Variants in PXN observed in about 807,000 individuals in gnomAD.
PXN encodes the protein testicular tissue protein Li 134.
Under a neutral mutation model 103.6 loss-of-function variants are expected in PXN, and 61 were observed. The observed-to-expected ratio is 0.59, with a 90% confidence interval of 0.48 to 0.73. The LOEUF (loss-of-function observed/expected upper bound fraction) is 0.73, where lower values mean the gene tolerates loss of function less well. Among genes scored for constraint, PXN ranks in the 30% least tolerant of loss-of-function variants. PXN has a pLI of 0.00. For synonymous variants in PXN, 562 were observed against 607.8 expected, an observed-to-expected ratio of 0.92 and a Z score of 1.11; for missense variants, 1,274 against 1,460.3, an observed-to-expected ratio of 0.87 and a Z score of 2.08.
chr12:120,215,474 C>G lies in PXN; in HGVS notation c.2403+86G>C, dbSNP rs1482373796. On this transcript the variant is annotated intron_variant, in intron 10 of 14. Transcript: ENST00000637617. This position sits in a 1 kb window ranked among gnomAD's most constrained non-coding sequence, Gnocchi z 4.9. ...GGTGGTCGGAGGGGCCCACCAGGGT[C>G]GGAAAGGCTGAGGGCACCCAGCAGG... 1.3e-6 allele frequency: 2 copies of G among 1,491,546 alleles called. No homozygotes were observed. Among genetic ancestry groups the G allele is most frequent in the African/African-American group, 1.4e-5 (1 of 71,454 alleles). The allele number at this position is 1,491,546 out of a possible 1,614,324, so 92.4% of individuals were successfully genotyped here. A position where few individuals can be genotyped will look rare whatever the true frequency, so the allele number is the denominator to read the frequency against.
chr12:120,224,063 C>T lies in PXN; in HGVS notation c.240+88G>A. On this transcript the variant is annotated intron_variant, in intron 2 of 14. Transcript: ENST00000637617. This position sits in a 1 kb window ranked among gnomAD's most constrained non-coding sequence, Gnocchi z 5.0. ...AAGGGTCGACTGCCCCAATTCCATT[C>T]CATCCCCTGGCTCCCTAAGCCCCTG... 1 of 1,122,628 alleles carries T rather than the reference C, an allele frequency of 8.9e-7. No homozygotes were observed. Among genetic ancestry groups the T allele is most frequent in the African/African-American group, 1.6e-5 (1 of 63,306 alleles). The allele number at this position is 1,122,628 out of a possible 1,614,324, so 69.5% of individuals were successfully genotyped here.
chr12:120,224,530 C>G lies in PXN; in HGVS notation c.14-153G>C, dbSNP rs1032611951. 9 of 734,082 alleles carry G rather than the reference C, an allele frequency of 1.2e-5. No individual in the cohort carries two copies. In the East Asian group the frequency reaches 2.3e-4, roughly 19 times the overall value. 45.5% of individuals were successfully genotyped at this position (734,082 alleles called of 1,614,324 possible). A position where few individuals can be genotyped will look rare whatever the true frequency, so the allele number is the denominator to read the frequency against. Reference sequence around the variant, plus strand: ...GACCAGCCTTGGGACAGGAAGCCACCAGCCCCGACCAGCCTAACCAAGAGC... The same window carrying G: ...GACCAGCCTTGGGACAGGAAGCCACGAGCCCCGACCAGCCTAACCAAGAGC... On this transcript the variant is annotated intron_variant, in intron 1 of 14. Coordinates refer to ENST00000637617, the MANE Select transcript of PXN (RefSeq NM_001385981.1). This position sits in a 1 kb window ranked among gnomAD's most constrained non-coding sequence, Gnocchi z 5.0.
At chr12:120,263,373 G>C (rs1894176250) in intron 1 of PXN, among the ~76,000 whole-genome samples, 1 of 152,218 alleles carries the variant, frequency 6.6e-6, no homozygotes, top group South Asian at 2.1e-4. Flanking sequence ...GGGCAGCCCG[G>C]ATGTAAGCAA....
intron 1 of PXN, among the ~76,000 whole-genome samples, chr12:120,237,997 C>T (rs550322236): frequency 4.6e-5 from 7 of 152,296 alleles, no homozygotes; most frequent in South Asian, 2.1e-4. Flanking sequence ...AGGAATGCCC[C>T]GGCCACTGTC....
chr12:120,213,820 G>A lies in PXN; in HGVS notation c.2979+22C>T, dbSNP rs764986333. ...CCACTGCCTGCTCCTCGCCCCTCCAGATGTGGTCAGGGGCTCCTTACCCGG... is the reference window on the plus strand; with the variant it reads ...CCACTGCCTGCTCCTCGCCCCTCCAAATGTGGTCAGGGGCTCCTTACCCGG... On this transcript the variant is annotated intron_variant, in intron 14 of 14. Transcript: ENST00000637617. The surrounding 1 kb of genome is among the most constrained non-coding windows in gnomAD (Gnocchi z 4.2). The A allele has an allele frequency of 6.2e-7, 1 of 1,604,424 alleles. No homozygotes were observed. The highest frequency in any genetic ancestry group is 8.5e-7 in the Non-Finnish European group (1 of 1,175,712).
At chr12:120,218,516 G>A (rs1884000700) in intron 7 of PXN, among the ~76,000 whole-genome samples, 1 of 152,308 alleles carries the variant, frequency 6.6e-6, no homozygotes, top group South Asian at 2.1e-4. Flanking sequence ...TGGGATTACA[G>A]GCATGCGCCA....
chr12:120,219,815 C>A lies in PXN; in HGVS notation c.1108G>T (p.Gly370Cys). The change falls in exon 7 of 15, where the codon GGT becomes TGT. Residue 370 changes from glycine to cysteine, a missense_variant. Physicochemically the swap from Gly to Cys is radical, Grantham distance 159. This residue lies in a region of PXN where 1,178 missense variants were observed against 1,309.0 expected (regional missense o/e 0.90). Coordinates refer to ENST00000637617, the MANE Select transcript of PXN (RefSeq NM_001385981.1). The surrounding 1 kb of genome is among the most constrained non-coding windows in gnomAD (Gnocchi z 6.5). ...TCTGTGCCCACTGCCCACAGAGAAC[C>A]CTCCACAGAGGGAGACCTTGAGTTG... ...TFNSRSPSVE[G>C]SLWAVGTESQ... 6.3e-7 allele frequency: 1 copy of A among 1,598,434 alleles called. No individual in the cohort carries two copies. The highest frequency in any genetic ancestry group is 8.5e-7 in the Non-Finnish European group (1 of 1,179,802).
intron 1 of PXN, among the ~76,000 whole-genome samples, chr12:120,235,763 T>C (rs1888911928): frequency 6.6e-6 from 1 of 152,204 alleles, no homozygotes; most frequent in Admixed American, 6.5e-5. Flanking sequence ...CTGAGAAGGC[T>C]GGTGCACTCC....
intron 1 of PXN, chr12:120,227,061 TCTAAGTCTC>T (rs1234436012): frequency 6.1e-6 from 6 of 986,132 alleles, no homozygotes; most frequent in Non-Finnish European, 3.6e-6. Flanking sequence ...ACTAACTTCT[TCTAAGTCTC>T]CTAAGTCTTT....
At chr12:120,223,920 T>G (rs956826198) in intron 2 of PXN, 87 bp from the exon 3 acceptor site, 2 of 1,075,366 alleles carry the variant, frequency 1.9e-6, no homozygotes, top group African/African-American at 3.2e-5. Flanking sequence ...CCCAGGAGGC[T>G]CCTGCCCACA....
rs761152303 is a variant in PXN, at chr12:120,212,290, G to A, written c.*24C>T. On this transcript the variant is annotated 3_prime_UTR_variant, in exon 15 of 15. Transcript: ENST00000637617. The surrounding 1 kb of genome is among the most constrained non-coding windows in gnomAD (Gnocchi z 7.2). ...AGTTGGGGATGCTGGCTGGGGAAGG[G>A]GGGCAGAGACAGGGGCAGGGCACCT... 1 of 1,603,632 alleles carries A rather than the reference G, an allele frequency of 6.2e-7. No homozygotes were observed. The highest frequency in any genetic ancestry group is 1.7e-5 in the Admixed American group (1 of 59,706).
intron 1 of PXN, among the ~76,000 whole-genome samples, chr12:120,234,963 G>C (rs757658388): frequency 3.9e-5 from 6 of 152,102 alleles, no homozygotes; most frequent in Non-Finnish European, 8.8e-5. Context: ...CCTTCTTGCT[G>C]AGCAAACCAC....
Position 120,211,884 on chromosome 12 carries a change from A to G in PXN, c.*430T>C, listed in dbSNP as rs1444487199. 1.9e-6 allele frequency: 1 copy of G among 516,194 alleles called. No homozygotes were observed. Among genetic ancestry groups the G allele is most frequent in the African/African-American group, 1.9e-5 (1 of 51,920 alleles). 32.0% of individuals were successfully genotyped at this position (516,194 alleles called of 1,614,324 possible). A position where few individuals can be genotyped will look rare whatever the true frequency, so the allele number is the denominator to read the frequency against. On this transcript the variant is annotated 3_prime_UTR_variant, in exon 15 of 15. Transcript: ENST00000637617. ...GGGTGTCCCCCAATAATCACAGAAC[A>G]AAGACAATTAGGTCGGGGGAGGAAT...
rs553101382 is a variant in PXN at position 120,224,534 on chromosome 12, C to A, written c.14-157G>T. On this transcript the variant is annotated intron_variant, in intron 1 of 14. Coordinates refer to ENST00000637617, the MANE Select transcript of PXN (RefSeq NM_001385981.1). The surrounding 1 kb of genome is among the most constrained non-coding windows in gnomAD (Gnocchi z 5.0). Reference sequence around the variant, plus strand: ...AGCCTTGGGACAGGAAGCCACCAGCCCCGACCAGCCTAACCAAGAGCCGGC... The same window carrying A: ...AGCCTTGGGACAGGAAGCCACCAGCACCGACCAGCCTAACCAAGAGCCGGC... 47 of 735,604 alleles carry A rather than the reference C, an allele frequency of 6.4e-5. 1 individual carries two copies. The highest frequency in any genetic ancestry group is 6.2e-4 in the South Asian group (43 of 69,822). 45.6% of individuals were successfully genotyped at this position (735,604 alleles called of 1,614,324 possible). A position where few individuals can be genotyped will look rare whatever the true frequency, so the allele number is the denominator to read the frequency against.
In PXN at chr12:120,224,776, G is replaced by A. The variant is rs1008020025; in HGVS notation, c.14-399C>T. 2.1e-6 allele frequency: 1 copy of A among 476,204 alleles called. No individual in the cohort carries two copies. Among genetic ancestry groups the A allele is most frequent in the Non-Finnish European group, 4.2e-6 (1 of 240,726 alleles). The allele number at this position is 476,204 out of a possible 1,614,324, so 29.5% of individuals were successfully genotyped here. A position where few individuals can be genotyped will look rare whatever the true frequency, so the allele number is the denominator to read the frequency against. On this transcript the variant is annotated intron_variant, in intron 1 of 14. Transcript: ENST00000637617. This position sits in a 1 kb window ranked among gnomAD's most constrained non-coding sequence, Gnocchi z 5.0. ...GGGCGGGAGGGGCCCCACGTCACAGGGAGGGGCCCTGGCTATGCCAGGCCC... is the reference window on the plus strand; with the variant it reads ...GGGCGGGAGGGGCCCCACGTCACAGAGAGGGGCCCTGGCTATGCCAGGCCC...
rs1305206353 is a variant in PXN at position 120,228,182 on chromosome 12, C to G, written c.14-3805G>C. Among the ~76,000 whole-genome samples, 8 of 152,220 alleles carry G rather than the reference C, an allele frequency of 5.3e-5. No homozygotes were observed. Among genetic ancestry groups the G allele is most frequent in the Non-Finnish European group, 1.2e-4 (8 of 68,036 alleles). On this transcript the variant is annotated intron_variant, in intron 1 of 14. Coordinates refer to ENST00000637617, the MANE Select transcript of PXN (RefSeq NM_001385981.1). This position sits in a 1 kb window ranked among gnomAD's most constrained non-coding sequence, Gnocchi z 4.7. The stretch of plus-strand genomic sequence containing the variant: ...TCGGAAGTAGTCGGGAGACCTCATT[C>G]AAGCTAAGAAAGGCCTCAAATTTCC...
chr12:120,214,622 G>C lies in PXN; in HGVS notation c.2748+203C>G, dbSNP rs906128383. On this transcript the variant is annotated intron_variant, in intron 12 of 14. Coordinates refer to ENST00000637617, the MANE Select transcript of PXN (RefSeq NM_001385981.1). This position sits in a 1 kb window ranked among gnomAD's most constrained non-coding sequence, Gnocchi z 5.0. ...ACAGAAAGGAATCGAGATGGGAGGT[G>C]AAGGGAGGTGGGGCTGCCCGATGCA... Among the ~76,000 whole-genome samples the C allele has an allele frequency of 6.6e-6, 1 of 152,168 alleles. No homozygotes were observed. Among genetic ancestry groups the C allele is most frequent in the African/African-American group, 2.4e-5 (1 of 41,434 alleles).
In PXN at chr12:120,216,708, A is replaced by G; in HGVS notation, c.1993-127T>C. The G allele has an allele frequency of 3.1e-6, 5 of 1,593,810 alleles. No individual in the cohort carries two copies. The highest frequency in any genetic ancestry group is 4.2e-6 in the Non-Finnish European group (5 of 1,178,226). On this transcript the variant is annotated intron_variant, in intron 8 of 14. Coordinates refer to ENST00000637617, the MANE Select transcript of PXN (RefSeq NM_001385981.1). This position sits in a 1 kb window ranked among gnomAD's most constrained non-coding sequence, Gnocchi z 5.1. Reference sequence around the variant, plus strand: ...GCACCAAGAGTGGGGCCAGTCTTCCAAAGTCACAGGAGGCAAGAAACCCCC... The same window carrying G: ...GCACCAAGAGTGGGGCCAGTCTTCCGAAGTCACAGGAGGCAAGAAACCCCC...
intron 1 of PXN, among the ~76,000 whole-genome samples, chr12:120,256,811 A>G (rs1235023543): frequency 1.3e-5 from 2 of 152,056 alleles, no homozygotes; most frequent in Admixed American, 1.3e-4. Context: ...TCCGCCTCCC[A>G]GGTTCAAGGA....
Sources: allele counts gnomAD v4.1 joint callset (sites outside exome capture counted in the v4.1 genomes callset), GRCh38; gene constraint gnomAD v4.1.1; regional missense constraint gnomAD v4.1.1; non-coding constraint Gnocchi (gnomAD v3.1); transcripts MANE v1.5; gene names NCBI Gene and HGNC (gene_info 2026-07-23, HGNC 2026-07-21).